Variants in C8orf34 observed in about 807,000 individuals in gnomAD.
C8orf34 encodes chromosome 8 open reading frame 34.
C8orf34 carries 65 observed loss-of-function variants against 68.3 expected under a neutral mutation model. The observed-to-expected ratio is 0.95, with a 90% confidence interval of 0.78 to 1.17. The LOEUF is 1.17. Among genes scored for constraint, C8orf34 ranks in the 50% most tolerant of loss-of-function variants. The probability of loss-of-function intolerance (pLI) is 0.00; values close to 1 mark genes in which losing one functional copy is unlikely to be tolerated. For missense variants in C8orf34, 664 were observed against 655.4 expected, an observed-to-expected ratio of 1.01 and a Z score of -0.14; for synonymous variants, 244 against 241.2, an observed-to-expected ratio of 1.01 and a Z score of -0.11.
intron 7 of C8orf34, among the ~76,000 whole-genome samples, chr8:68,639,808 C>T (rs1212393297): frequency 6.6e-6 from 1 of 152,080 alleles, no homozygotes; most frequent in African/African-American, 2.4e-5. Flanking sequence ...TTCAGGTTTA[C>T]TGTTTTCCTC....
In C8orf34 at chr8:68,713,444, A is replaced by G. The variant is rs920093683; in HGVS notation, c.1327+4365A>G. ...ACCAAGAAAAGAAGAGAGAAGATGC[A>G]AACAAGCCAAATTAGAAATGAAACA... is the stretch of plus-strand genomic sequence containing the variant. On this transcript the variant is annotated intron_variant, in intron 9 of 13. Coordinates refer to ENST00000518698, the MANE Select transcript of C8orf34 (RefSeq NM_052958.4). Among the ~76,000 whole-genome samples, 30 of 152,260 alleles carry G rather than the reference A, an allele frequency of 2.0e-4. 1 individual carries two copies. Among genetic ancestry groups the G allele is most frequent in the Admixed American group, 1.2e-3 (19 of 15,286 alleles).
intron 3 of C8orf34, among the ~76,000 whole-genome samples, chr8:68,463,232 C>T (rs563246021): frequency 3.7e-4 from 57 of 152,272 alleles, no homozygotes; most frequent in Non-Finnish European, 6.8e-4. Context: ...CCTCCCAAGA[C>T]TAAACCAGGA....
intron 7 of C8orf34, among the ~76,000 whole-genome samples, chr8:68,557,286 CCTT>C (rs1816283954): frequency 6.6e-6 from 1 of 152,116 alleles, no homozygotes; most frequent in African/African-American, 2.4e-5. Flanking sequence ...AATCCATTAA[CCTT>C]CTCCGTGGGG....
intron 1 of C8orf34, among the ~76,000 whole-genome samples, chr8:68,385,504 G>A (rs1465692180): frequency 1.3e-5 from 2 of 152,110 alleles, no homozygotes; most frequent in Non-Finnish European, 2.9e-5. Context: ...ATTAAATGTT[G>A]AATAATAAAA....
intron 8 of C8orf34, among the ~76,000 whole-genome samples, chr8:68,656,862 T>C (rs1819524417): frequency 6.6e-6 from 1 of 152,228 alleles, no homozygotes; most frequent in South Asian, 2.1e-4. Flanking sequence ...TGATATTTTC[T>C]ATAATTTATC....
chr8:68,569,040 ACTGT>A (rs781744799), intron 7 of C8orf34, among the ~76,000 whole-genome samples: 20 of 152,322 alleles, frequency 1.3e-4, no homozygotes, highest in Non-Finnish European at 2.6e-4. Flanking sequence ...CCCGTTGTAG[ACTGT>A]CTGTTTTCTC....
intron 6 of C8orf34, among the ~76,000 whole-genome samples, chr8:68,528,878 ACT>A (rs764855413): frequency 4.6e-5 from 7 of 151,946 alleles, no homozygotes; most frequent in Non-Finnish European, 8.8e-5. Context: ...CCTCCAGCAG[ACT>A]CTCTGTGCAC....
intron 1 of C8orf34, among the ~76,000 whole-genome samples, chr8:68,386,069 G>T (rs1385139551): frequency 6.6e-6 from 1 of 152,008 alleles, no homozygotes; most frequent in Non-Finnish European, 1.5e-5. Flanking sequence ...ACCACACTTG[G>T]TTAAGGTTTT....
chr8:68,383,452 C>T (rs1371463728), intron 1 of C8orf34, among the ~76,000 whole-genome samples: 2 of 152,094 alleles, frequency 1.3e-5, no homozygotes, highest in East Asian at 3.9e-4. Flanking sequence ...AATTTTTCTT[C>T]CAGCATTAAT....
At chr8:68,715,415 C>G (rs773530745) in intron 9 of C8orf34, among the ~76,000 whole-genome samples, 1 of 151,742 alleles carries the variant, frequency 6.6e-6, no homozygotes, top group Non-Finnish European at 1.5e-5. Context: ...ACAAAGAACT[C>G]AAATCAGCAA....
chr8:68,716,448 C>A (rs1178995012), intron 9 of C8orf34, among the ~76,000 whole-genome samples: 3 of 151,902 alleles, frequency 2.0e-5, no homozygotes, highest in Non-Finnish European at 2.9e-5. Flanking sequence ...AATAAAAAAT[C>A]AATACATCAA....
intron 7 of C8orf34, among the ~76,000 whole-genome samples, chr8:68,615,909 C>T (rs1054657799): frequency 5.3e-5 from 8 of 151,064 alleles, no homozygotes; most frequent in Admixed American, 6.6e-5. Context: ...GGCTGTGAAT[C>T]CATCTGGTCC....
At position 68,583,292 on chromosome 8, in the gene C8orf34, A is replaced by G. The variant is rs186954266; in HGVS notation, c.1105+50143A>G. Among the ~76,000 whole-genome samples the G allele has an allele frequency of 9.9e-4, 150 of 152,234 alleles. 2 individuals are homozygous for G. In the Middle Eastern group the frequency reaches 0.014, roughly 14 times the overall value. ...GGAAGATAAATAGTACATATATTAGATGACTACCATGCATGAAAAACTTCA... is the reference window on the plus strand; with the variant it reads ...GGAAGATAAATAGTACATATATTAGGTGACTACCATGCATGAAAAACTTCA... On this transcript the variant is annotated intron_variant, in intron 7 of 13. Transcript: ENST00000518698.
In C8orf34 at chr8:68,717,492, C is replaced by CA. The variant is rs10555331; in HGVS notation, c.1328-3854dup. On this transcript the variant is annotated intron_variant, in intron 9 of 13. Transcript: ENST00000518698. ...TGGGCGACAGAGCGAGACTCTGTCT[C>CA]AAAAAAAAAAAAAAATGACAAACAC... Among the ~76,000 whole-genome samples, 812 of 114,882 alleles carry CA rather than the reference C, an allele frequency of 7.1e-3. 2 individuals are homozygous for CA. Among genetic ancestry groups the CA allele is most frequent in the Middle Eastern group, 0.01 (2 of 194 alleles). The allele number at this position is 114,882 out of a possible 152,430, so 75.4% of individuals were successfully genotyped here. A position where few individuals can be genotyped will look rare whatever the true frequency, so the allele number is the denominator to read the frequency against.
intron 7 of C8orf34, among the ~76,000 whole-genome samples, chr8:68,589,020 A>G (rs1471439377): frequency 6.6e-6 from 1 of 152,164 alleles, no homozygotes; most frequent in Non-Finnish European, 1.5e-5. Context: ...GCAACAGGTT[A>G]ATTTTAAACT....
chr8:68,583,627 T>A (rs559124791), intron 7 of C8orf34, among the ~76,000 whole-genome samples: 3 of 152,124 alleles, frequency 2.0e-5, no homozygotes, highest in African/African-American at 7.2e-5. Flanking sequence ...TAAAAGTCAA[T>A]AGGTCATGTA....
At chr8:68,535,559 T>C in intron 7 of C8orf34, 3 of 862,498 alleles carry the variant, frequency 3.5e-6, no homozygotes, top group Middle Eastern at 6.0e-4. Flanking sequence ...GTAATAACTA[T>C]TGACTCTTGT....
chr8:68,694,344 GA>G (rs1820767519), intron 8 of C8orf34, among the ~76,000 whole-genome samples: 2 of 152,030 alleles, frequency 1.3e-5, no homozygotes, highest in African/African-American at 4.8e-5. Flanking sequence ...CAATTTGGTT[GA>G]AAAAGAGTGT....
intron 1 of C8orf34, among the ~76,000 whole-genome samples, chr8:68,337,797 TC>T (rs1477646185): frequency 6.6e-6 from 1 of 152,204 alleles, no homozygotes; most frequent in Non-Finnish European, 1.5e-5. Context: ...TAGCTACAAA[TC>T]TGAGTAAAGA....
Sources: gnomAD v4.1 joint callset for allele counts (sites outside exome capture counted in the v4.1 genomes callset) on GRCh38, gnomAD v4.1.1 for gene constraint, MANE v1.5 for transcripts, NCBI Gene and HGNC (gene_info 2026-07-23, HGNC 2026-07-21) for gene names.